The following PRKCI variants were observed in gnomAD, a reference collection of about 807,000 sequenced individuals.
PRKCI encodes protein kinase C iota type.
In PRKCI, 43 loss-of-function variants were observed where a neutral mutation model predicts 84.0. The observed-to-expected ratio is 0.51, with a 90% CI of 0.40 to 0.66. PRKCI has a LOEUF of 0.66. Ranked by LOEUF, PRKCI falls within the 30% of genes least tolerant of loss-of-function variation. The probability of loss-of-function intolerance (pLI) is 0.00; values close to 1 mark genes in which losing one functional copy is unlikely to be tolerated. For missense variants in PRKCI, 459 were observed against 745.6 expected, an observed-to-expected ratio of 0.62 and a Z score of 4.48; for synonymous variants, 216 against 234.4, an observed-to-expected ratio of 0.92 and a Z score of 0.72.
chr3:170,235,284 T>C lies in PRKCI; in HGVS notation c.156T>C (p.Asn52=). Reference sequence around the variant, plus strand: ...CCATCTCCTTTGAGGGCCTTTGCAATGAGGTTCGAGACATGTGTTCTTTTG... The same window carrying C: ...CCATCTCCTTTGAGGGCCTTTGCAACGAGGTTCGAGACATGTGTTCTTTTG... ...EPSISFEGLC[N]EVRDMCSFDN... Residue 52 remains asparagine, a synonymous_variant, in exon 2 of 18, where the codon AAT becomes AAC. Transcript: ENST00000295797. The C allele has an allele frequency of 6.2e-7, 1 of 1,614,108 alleles. No individual in the cohort carries two copies. Among genetic ancestry groups the C allele is most frequent in the Non-Finnish European group, 8.5e-7 (1 of 1,179,966 alleles).
intron 11 of PRKCI, among the ~76,000 whole-genome samples, chr3:170,282,743 C>T (rs1265612600): frequency 6.6e-6 from 1 of 150,536 alleles, no homozygotes; most frequent in African/African-American, 2.4e-5. Flanking sequence ...ATACTTCTGA[C>T]TGTTCTTCCT....
intron 2 of PRKCI, among the ~76,000 whole-genome samples, chr3:170,241,606 T>C (rs540169441): frequency 2.4e-4 from 36 of 152,304 alleles, no homozygotes; most frequent in South Asian, 1.2e-3. Context: ...ATATCTTAGC[T>C]ATTGTGAATG....
intron 1 of PRKCI, among the ~76,000 whole-genome samples, chr3:170,226,575 G>T (rs1440370883): frequency 2.6e-5 from 4 of 152,150 alleles, no homozygotes; most frequent in Non-Finnish European, 5.9e-5. Flanking sequence ...CTGTCAAGTA[G>T]TAATAACAAT....
intron 14 of PRKCI, among the ~76,000 whole-genome samples, chr3:170,295,579 A>T (rs1734669148): frequency 6.6e-6 from 1 of 151,328 alleles, no homozygotes; most frequent in Admixed American, 6.6e-5. Flanking sequence ...AGGAGGCTGA[A>T]GTGGTAGAAG....
chr3:170,260,987 C>T lies in PRKCI; in HGVS notation c.313+929C>T, dbSNP rs192579855. Among the ~76,000 whole-genome samples the T allele has an allele frequency of 1.2e-4, 18 of 152,124 alleles. No individual in the cohort carries two copies. In the East Asian group the frequency reaches 1.9e-3, roughly 16 times the overall value. On this transcript the variant is annotated intron_variant, in intron 3 of 17. Coordinates refer to ENST00000295797, the MANE Select transcript of PRKCI (RefSeq NM_002740.6). ...TTTGTTTTTTTGAGGCAGTTTCTCT[C>T]GCTCTGTTGCCCAGGCTGGAGTGCA...
At chr3:170,267,121 G>GC (rs912400319) in intron 4 of PRKCI, among the ~76,000 whole-genome samples, 5 of 151,928 alleles carry the variant, frequency 3.3e-5, no homozygotes, top group African/African-American at 1.2e-4. Flanking sequence ...ATTGGGTGGC[G>GC]GGGGGGTGCG....
intron 16 of PRKCI, among the ~76,000 whole-genome samples, chr3:170,298,632 C>T (rs1170854420): frequency 6.6e-6 from 1 of 152,116 alleles, no homozygotes; most frequent in Non-Finnish European, 1.5e-5. Context: ...TCTTGAATCC[C>T]TGACCTCAGG....
intron 13 of PRKCI, among the ~76,000 whole-genome samples, chr3:170,292,301 A>G (rs1190880629): frequency 6.6e-6 from 1 of 152,190 alleles, no homozygotes; most frequent in Admixed American, 6.5e-5. Context: ...GGAAAGTTTA[A>G]ATAACTCGCC....
intron 2 of PRKCI, among the ~76,000 whole-genome samples, chr3:170,251,012 A>G (rs980446111): frequency 2.6e-5 from 4 of 152,204 alleles, no homozygotes; most frequent in Admixed American, 2.6e-4. Context: ...CTTCCTACAG[A>G]TTGAAAATAC....
chr3:170,300,629 TACAC>T (rs1445269638), intron 17 of PRKCI, among the ~76,000 whole-genome samples: 1 of 150,730 alleles, frequency 6.6e-6, no homozygotes, highest in Non-Finnish European at 1.5e-5. Context: ...GAAAAATAAA[TACAC>T]AGCACCTCTA....
At chr3:170,234,050 T>TTTTTG (rs71634460) in intron 1 of PRKCI, among the ~76,000 whole-genome samples, 4 of 145,720 alleles carry the variant, frequency 2.7e-5, no homozygotes, top group Admixed American at 6.9e-5. Flanking sequence ...TTTTTTTTTT[T>TTTTTG]GAGATGGAGT....
chr3:170,280,247 T>A lies in PRKCI; in HGVS notation c.726T>A (p.Ser242Arg), dbSNP rs2108858603. ...EEKEAMNTRE[S>R]GKASSSLGLQ... The stretch of plus-strand genomic sequence containing the variant: ...AACAGGCAATGAACACCAGGGAAAG[T>A]GGCAAAGCTTCATCCAGTCTAGGTC... Residue 242 changes from serine (S) to arginine (R), a missense_variant, in exon 9 of 18, where the codon AGT (serine) becomes AGA (arginine). Ser to Arg is a moderately radical substitution (Grantham distance 110). This residue lies in a region of PRKCI where 250 missense variants were observed against 319.7 expected (regional missense o/e 0.78). Transcript: ENST00000295797. The A allele has an allele frequency of 1.2e-6, 2 of 1,611,030 alleles. No homozygotes were observed. Among genetic ancestry groups the A allele is most frequent in the Non-Finnish European group, 1.7e-6 (2 of 1,179,608 alleles).
chr3:170,270,388 G>T, intron 5 of PRKCI, 33 bp from the exon 6 acceptor site: 2 of 1,565,558 alleles, frequency 1.3e-6, no homozygotes, highest in South Asian at 2.4e-5. Context: ...GACCTTCTTG[G>T]TTAATAAAAT....
At chr3:170,298,220 G>A (rs1251007399) in intron 16 of PRKCI, among the ~76,000 whole-genome samples, 1 of 151,740 alleles carries the variant, frequency 6.6e-6, no homozygotes. Flanking sequence ...TGTTATTAAG[G>A]CCCATATCAA....
intron 2 of PRKCI, among the ~76,000 whole-genome samples, chr3:170,240,130 C>G (rs957986005): frequency 2.0e-5 from 3 of 151,884 alleles, no homozygotes; most frequent in Admixed American, 2.0e-4. Flanking sequence ...CCACTGCACT[C>G]CAACCTAGGC....
At chr3:170,248,895 T>C (rs1733363244) in intron 2 of PRKCI, among the ~76,000 whole-genome samples, 1 of 151,548 alleles carries the variant, frequency 6.6e-6, no homozygotes, top group South Asian at 2.1e-4. Flanking sequence ...TCACCCAGGC[T>C]GTAGTGCAGT....
intron 8 of PRKCI, among the ~76,000 whole-genome samples, chr3:170,276,210 A>G (rs1734110505): frequency 6.6e-6 from 1 of 152,118 alleles, no homozygotes; most frequent in Admixed American, 6.6e-5. Flanking sequence ...AAGTGTTAGG[A>G]TTACAGGCAT....
intron 2 of PRKCI, among the ~76,000 whole-genome samples, chr3:170,253,140 C>T (rs1733495665): frequency 6.6e-6 from 1 of 152,158 alleles, no homozygotes; most frequent in Non-Finnish European, 1.5e-5. Flanking sequence ...AATAGTGCTG[C>T]AATAAATATG....
intron 2 of PRKCI, among the ~76,000 whole-genome samples, chr3:170,237,933 G>GT (rs1184250451): frequency 2.6e-5 from 4 of 152,078 alleles, no homozygotes; most frequent in Non-Finnish European, 4.4e-5. Flanking sequence ...AAACGTGTAT[G>GT]TATGTTTCTA....
Sources: gnomAD v4.1 joint callset for allele counts (sites outside exome capture counted in the v4.1 genomes callset) on GRCh38, gnomAD v4.1.1 for gene constraint, gnomAD v4.1.1 regional missense constraint, MANE v1.5 for transcripts, NCBI Gene and HGNC (gene_info 2026-07-23, HGNC 2026-07-21) for gene names.